The following RASAL2 variants were observed in gnomAD, a reference collection of about 807,000 sequenced individuals.
RASAL2 encodes ras GTPase-activating protein nGAP.
A neutral mutation model predicts 128.9 loss-of-function variants in RASAL2; 58 were observed. That is an observed-to-expected ratio of 0.45 (90% CI 0.36 to 0.56). The LOEUF (loss-of-function observed/expected upper bound fraction) is 0.56. Ranked by LOEUF, RASAL2 falls within the 20% of genes least tolerant of loss-of-function variation. The pLI is 0.00. For missense variants in RASAL2, 1,360 were observed against 1,601.6 expected (o/e 0.85, Z 2.57); for synonymous variants, 561 against 580.8 (o/e 0.97, Z 0.49).
At chr1:178,252,779 A>G (rs991902033) in intron 1 of RASAL2, among the ~76,000 whole-genome samples, 11 of 152,232 alleles carry the variant, frequency 7.2e-5, no homozygotes, top group Admixed American at 5.2e-4. Flanking sequence ...CCAGAAATCA[A>G]GTGACCATCT....
At chr1:178,216,281 G>T (rs566175540) in intron 1 of RASAL2, among the ~76,000 whole-genome samples, 3 of 152,126 alleles carry the variant, frequency 2.0e-5, no homozygotes, top group African/African-American at 7.2e-5. Context: ...TTTAAAAAAG[G>T]CTCGATCTTG....
intron 1 of RASAL2, among the ~76,000 whole-genome samples, chr1:178,274,784 TC>T (rs1666417931): frequency 6.6e-6 from 1 of 152,056 alleles, no homozygotes; most frequent in Admixed American, 6.6e-5. Flanking sequence ...GAGCCAGGGG[TC>T]CCACTTTGTT....
At chr1:178,367,100 A>T (rs1671443145) in intron 3 of RASAL2, among the ~76,000 whole-genome samples, 1 of 152,212 alleles carries the variant, frequency 6.6e-6, no homozygotes, top group East Asian at 1.9e-4. Context: ...AAAAAAGTAA[A>T]ACCTTGCCCA....
At chr1:178,375,270 A>AT (rs1203431556) in intron 3 of RASAL2, among the ~76,000 whole-genome samples, 8 of 152,156 alleles carry the variant, frequency 5.3e-5, no homozygotes, top group African/African-American at 1.4e-4. Flanking sequence ...CGCAGAATTC[A>AT]TGTAAAGAAG....
chr1:178,212,337 T>C (rs143415811), intron 1 of RASAL2, among the ~76,000 whole-genome samples: 13 of 152,256 alleles, frequency 8.5e-5, no homozygotes, highest in South Asian at 2.1e-4. Context: ...CTGAAACAAA[T>C]ATAAAAATAG....
At position 178,284,728 on chromosome 1, in the gene RASAL2, C is replaced by T. The variant is rs369472346; in HGVS notation, c.330+1037C>T. 4.7e-4 allele frequency among the ~76,000 whole-genome samples: 71 copies of T among 151,902 alleles called. 1 individual carries two copies. The East Asian group carries it at 0.012, about 26-fold the overall frequency. The stretch of plus-strand genomic sequence containing the variant: ...GTAAAATCATCATAATTCCCAATTT[C>T]CACCATATAAAAAAATAAGTGAATA... On this transcript the variant is annotated intron_variant, in intron 2 of 17. Transcript: ENST00000367649.
intron 1 of RASAL2, among the ~76,000 whole-genome samples, chr1:178,166,492 A>G (rs957989245): frequency 1.3e-5 from 2 of 152,214 alleles, no homozygotes; most frequent in Non-Finnish European, 2.9e-5. Flanking sequence ...TTTAAAAATA[A>G]ACTTATGTGA....
At chr1:178,380,462 T>C (rs1373615660) in intron 3 of RASAL2, among the ~76,000 whole-genome samples, 2 of 152,154 alleles carry the variant, frequency 1.3e-5, no homozygotes, top group Non-Finnish European at 2.9e-5. Flanking sequence ...TTATTTTGTA[T>C]TAAATTGAAC....
At chr1:178,416,890 T>C (rs1674793799) in intron 4 of RASAL2, among the ~76,000 whole-genome samples, 1 of 151,944 alleles carries the variant, frequency 6.6e-6, no homozygotes. Flanking sequence ...CTGGCTTCTT[T>C]AGGATTTTTT....
intron 1 of RASAL2, among the ~76,000 whole-genome samples, chr1:178,219,579 G>C (rs967178717): frequency 2.0e-5 from 3 of 150,950 alleles, no homozygotes; most frequent in African/African-American, 7.3e-5. Flanking sequence ...GCAGTGAGCT[G>C]TGATCGCGCC....
At chr1:178,412,032 T>C in intron 4 of RASAL2, 1 of 395,074 alleles carries the variant, frequency 2.5e-6, no homozygotes. Context: ...CTCCTCAAAA[T>C]ACTTTCTGAA....
intron 1 of RASAL2, among the ~76,000 whole-genome samples, chr1:178,147,277 T>C (rs1054384353): frequency 1.3e-5 from 2 of 151,822 alleles, no homozygotes; most frequent in Non-Finnish European, 2.9e-5. Context: ...TCGCCTGAGC[T>C]CAGGAGTTAG....
At chr1:178,351,197 G>A (rs1670458158) in intron 3 of RASAL2, among the ~76,000 whole-genome samples, 1 of 152,108 alleles carries the variant, frequency 6.6e-6, no homozygotes, top group Non-Finnish European at 1.5e-5. Context: ...CCCGCATTAG[G>A]GATTATAATT....
chr1:178,308,463 G>A (rs1270792908), intron 3 of RASAL2, among the ~76,000 whole-genome samples: 1 of 151,318 alleles, frequency 6.6e-6, no homozygotes, highest in Non-Finnish European at 1.5e-5. Flanking sequence ...TGTTCTCTAG[G>A]GTATTTATAA....
At chr1:178,211,602 A>G (rs1663259112) in intron 1 of RASAL2, among the ~76,000 whole-genome samples, 1 of 151,982 alleles carries the variant, frequency 6.6e-6, no homozygotes, top group African/African-American at 2.4e-5. Context: ...TTATGTCTTC[A>G]TATATTTGCC....
intron 1 of RASAL2, among the ~76,000 whole-genome samples, chr1:178,207,777 CTT>C (rs1369255971): frequency 6.6e-6 from 1 of 152,030 alleles, no homozygotes; most frequent in African/African-American, 2.4e-5. Context: ...TACTTTTTAA[CTT>C]ATTCATTTTA....
intron 1 of RASAL2, among the ~76,000 whole-genome samples, chr1:178,141,193 CTTTTTTTTTTTT>C (rs71297900): frequency 1.4e-4 from 10 of 73,948 alleles, no homozygotes; most frequent in Admixed American, 2.1e-4. Flanking sequence ...CTTTTCTTTT[CTTTTTTTTTTTT>C]TTTTTTTTTT....
chr1:178,206,619 T>G (rs1016811048), intron 1 of RASAL2, among the ~76,000 whole-genome samples: 2 of 152,218 alleles, frequency 1.3e-5, no homozygotes, highest in South Asian at 4.1e-4. Flanking sequence ...CTTTATCAAT[T>G]TTTCCATCCT....
At chr1:178,382,621 G>A (rs189468617) in intron 3 of RASAL2, among the ~76,000 whole-genome samples, 21 of 152,160 alleles carry the variant, frequency 1.4e-4, no homozygotes, top group African/African-American at 4.8e-4. Flanking sequence ...TAATACATGG[G>A]TGATAGTTCC....
Sources: gnomAD v4.1 joint callset for allele counts (sites outside exome capture counted in the v4.1 genomes callset) on GRCh38, gnomAD v4.1.1 for gene constraint, MANE v1.5 for transcripts, NCBI Gene and HGNC (gene_info 2026-07-23, HGNC 2026-07-21) for gene names.